RASGRF2: variants seen among roughly 807,000 people sequenced by gnomAD.
RASGRF2 encodes ras-specific guanine nucleotide-releasing factor 2.
A neutral mutation model predicts 151.0 loss-of-function variants in RASGRF2; 76 were observed. The observed-to-expected ratio is 0.50, with a 90% CI of 0.42 to 0.61. The LOEUF (loss-of-function observed/expected upper bound fraction) is 0.61, where lower values mean the gene tolerates loss of function less well. Among genes scored for constraint, RASGRF2 ranks in the 20% least tolerant of loss-of-function variants. The probability of loss-of-function intolerance (pLI) is 0.00; values close to 1 mark genes in which losing one functional copy is unlikely to be tolerated. For synonymous variants in RASGRF2, 504 were observed against 566.5 expected (o/e 0.89, Z 1.57); for missense variants, 1,148 against 1,564.6 (o/e 0.73, Z 4.49).
intron 17 of RASGRF2, among the ~76,000 whole-genome samples, chr5:81,169,753 C>T (rs1754600211): frequency 6.6e-6 from 1 of 151,946 alleles, no homozygotes; most frequent in African/African-American, 2.4e-5. Flanking sequence ...CCTCCATCAC[C>T]AATGATTCTT....
At chr5:81,002,695 G>A (rs945432492) in intron 1 of RASGRF2, among the ~76,000 whole-genome samples, 6 of 152,086 alleles carry the variant, frequency 3.9e-5, no homozygotes, top group African/African-American at 1.2e-4. Flanking sequence ...ATGATCTGTC[G>A]TGCCGATCTG....
At chr5:81,208,094 T>C (rs1045684166) in intron 21 of RASGRF2, among the ~76,000 whole-genome samples, 4 of 152,218 alleles carry the variant, frequency 2.6e-5, no homozygotes, top group African/African-American at 7.2e-5. Flanking sequence ...GAGAAGGCTT[T>C]ATAGGATCCT....
intron 1 of RASGRF2, among the ~76,000 whole-genome samples, chr5:80,973,634 T>C (rs1748012144): frequency 6.6e-6 from 1 of 152,198 alleles, no homozygotes; most frequent in South Asian, 2.1e-4. Flanking sequence ...AAATGCATCA[T>C]GGGCAGCAAT....
intron 17 of RASGRF2, among the ~76,000 whole-genome samples, chr5:81,142,741 G>A (rs1753912973): frequency 6.6e-6 from 1 of 152,046 alleles, no homozygotes; most frequent in African/African-American, 2.4e-5. Flanking sequence ...TGTCCCTGTT[G>A]AAAAAATTAT....
At chr5:80,965,993 G>A (rs113331218) in intron 1 of RASGRF2, among the ~76,000 whole-genome samples, 12 of 151,986 alleles carry the variant, frequency 7.9e-5, no homozygotes, top group African/African-American at 2.4e-4. Flanking sequence ...ATATGGATTT[G>A]CTCAAGTCTT....
chr5:80,996,654 C>A (rs1369960463), intron 1 of RASGRF2, among the ~76,000 whole-genome samples: 2 of 146,996 alleles, frequency 1.4e-5, no homozygotes, highest in African/African-American at 5.1e-5. Context: ...GGCTGAAGTG[C>A]AGTGGCGCAA....
Position 81,017,270 on chromosome 5 carries a change from T to A in RASGRF2, c.289-25607T>A, listed in dbSNP as rs547578739. Among the ~76,000 whole-genome samples, 51 of 152,344 alleles carry A rather than the reference T, an allele frequency of 3.3e-4. No homozygotes were observed. The South Asian group carries it at 0.011, about 32-fold the overall frequency. ...TGTTGATGTGTGTTACTGCATTTGA[T>A]CCTCACCTAGAGGTTAGTAGGAAAG... is the stretch of plus-strand genomic sequence containing the variant. On this transcript the variant is annotated intron_variant, in intron 1 of 26. Coordinates refer to ENST00000265080, the MANE Select transcript of RASGRF2 (RefSeq NM_006909.3).
At chr5:80,990,657 C>G (rs1748621206) in intron 1 of RASGRF2, among the ~76,000 whole-genome samples, 1 of 152,136 alleles carries the variant, frequency 6.6e-6, no homozygotes, top group Admixed American at 6.5e-5. Context: ...TTGGTGTTGT[C>G]CTTTTGTACT....
At chr5:81,212,627 A>C (rs1755651143) in intron 23 of RASGRF2, 64 bp downstream of exon 23, 1 of 1,398,684 alleles carries the variant, frequency 7.1e-7, no homozygotes, top group African/African-American at 1.5e-5. Context: ...ATGGGAGCCA[A>C]GTTAAATATT....
At chr5:81,036,916 A>G (rs993953745) in intron 1 of RASGRF2, among the ~76,000 whole-genome samples, 4 of 152,214 alleles carry the variant, frequency 2.6e-5, no homozygotes, top group Admixed American at 6.6e-5. Context: ...TCATGCTGCT[A>G]ATAAAGACAT....
intron 16 of RASGRF2, among the ~76,000 whole-genome samples, chr5:81,125,791 G>A (rs768176433): frequency 1.3e-5 from 2 of 152,184 alleles, no homozygotes; most frequent in Non-Finnish European, 2.9e-5. Context: ...GATTAACTAA[G>A]CCAAATCCTT....
chr5:81,135,981 T>C (rs1753743688), intron 17 of RASGRF2, among the ~76,000 whole-genome samples: 1 of 152,202 alleles, frequency 6.6e-6, no homozygotes, highest in African/African-American at 2.4e-5. Flanking sequence ...TTATTTTACT[T>C]ATCCATATCC....
chr5:81,007,260 G>C (rs536844057), intron 1 of RASGRF2, among the ~76,000 whole-genome samples: 2 of 152,176 alleles, frequency 1.3e-5, no homozygotes, highest in Non-Finnish European at 2.9e-5. Context: ...TGCTCAAAAA[G>C]TTTCTGATTG....
Position 81,094,287 on chromosome 5 carries a change from T to C in RASGRF2, c.1552-9T>C. On this transcript the variant is annotated splice_polypyrimidine_tract_variant and intron_variant, in intron 10 of 26. Coordinates refer to ENST00000265080, the MANE Select transcript of RASGRF2 (RefSeq NM_006909.3). ...TCAGCGTCTTAGTGAAAAATTGGTT[T>C]GTTTCCAGACAGGTGGGGTTCTGTC... 1 of 1,612,594 alleles carries C rather than the reference T, an allele frequency of 6.2e-7. No homozygotes were observed. The highest frequency in any genetic ancestry group is 8.5e-7 in the Non-Finnish European group (1 of 1,179,340).
chr5:81,160,706 T>TAATA (rs1754363913), intron 17 of RASGRF2, among the ~76,000 whole-genome samples: 1 of 146,418 alleles, frequency 6.8e-6, no homozygotes, highest in African/African-American at 2.5e-5. Flanking sequence ...ATAATAATAA[T>TAATA]AATAATAATA....
intron 13 of RASGRF2, among the ~76,000 whole-genome samples, chr5:81,111,735 C>T (rs1298137415): frequency 6.6e-6 from 1 of 151,904 alleles, no homozygotes; most frequent in East Asian, 1.9e-4. Context: ...ATATAAAAAA[C>T]AGTAGAAGGG....
rs190340763 is a variant in RASGRF2 at position 80,976,090 on chromosome 5, C to T, written c.288+15064C>T. 9.2e-3 allele frequency among the ~76,000 whole-genome samples: 1,403 copies of T among 152,262 alleles called. 36 individuals carry two copies. The highest frequency in any genetic ancestry group is 0.032 in the African/African-American group (1,326 of 41,552). Reference sequence around the variant, plus strand: ...AACTCCTGACCTCAGGTGATCCACCCGCCTTGGCCTCCCAAAGTGCTGGGA... The same window carrying T: ...AACTCCTGACCTCAGGTGATCCACCTGCCTTGGCCTCCCAAAGTGCTGGGA... On this transcript the variant is annotated intron_variant, in intron 1 of 26. Transcript: ENST00000265080.
chr5:81,052,638 A>G (rs1430287547), intron 2 of RASGRF2, among the ~76,000 whole-genome samples: 2 of 152,228 alleles, frequency 1.3e-5, no homozygotes, highest in African/African-American at 4.8e-5. Context: ...TCTAAAAAAT[A>G]TTAATTAGCC....
chr5:81,067,097 C>G (rs894723482), intron 2 of RASGRF2, among the ~76,000 whole-genome samples: 1 of 152,194 alleles, frequency 6.6e-6, no homozygotes, highest in East Asian at 1.9e-4. Flanking sequence ...GATCTGAGGT[C>G]AGTACTTCGC....
Sources: allele counts gnomAD v4.1 joint callset (sites outside exome capture counted in the v4.1 genomes callset), GRCh38; gene constraint gnomAD v4.1.1; transcripts MANE v1.5; gene names NCBI Gene and HGNC (gene_info 2026-07-23, HGNC 2026-07-21).